Variants in MTUS2 observed in about 807,000 individuals in gnomAD.
MTUS2 encodes microtubule associated scaffold protein 2.
MTUS2 carries 40 observed loss-of-function variants against 114.1 expected under a neutral mutation model. That is an observed-to-expected ratio of 0.35 (90% CI 0.27 to 0.46). MTUS2 has a LOEUF of 0.46. Ranked by LOEUF, MTUS2 falls within the 20% of genes least tolerant of loss-of-function variation. MTUS2 has a pLI of 1.00. For synonymous variants in MTUS2, 688 were observed against 672.0 expected (o/e 1.02, Z -0.37); for missense variants, 1,679 against 1,705.4 (o/e 0.98, Z 0.27).
intron 7 of MTUS2, among the ~76,000 whole-genome samples, chr13:29,357,172 CATG>C (rs55637032): frequency 0.19 from 28,306 of 150,830 alleles, 2,803 homozygotes; most frequent in Middle Eastern, 0.23. Context: ...TAATTTCTAA[CATG>C]ATGATGATGA....
At chr13:29,007,791 C>T (rs991026527) in intron 2 of MTUS2, among the ~76,000 whole-genome samples, 2 of 152,038 alleles carry the variant, frequency 1.3e-5, no homozygotes, top group Non-Finnish European at 2.9e-5. Flanking sequence ...TAATATATAA[C>T]GCACATACAA....
At chr13:29,042,672 A>G (rs982645179) in intron 4 of MTUS2, among the ~76,000 whole-genome samples, 20 of 151,996 alleles carry the variant, frequency 1.3e-4, no homozygotes, top group African/African-American at 4.8e-4. Flanking sequence ...TCGGAATTTA[A>G]TTTCATTGTG....
At chr13:28,842,766 A>AG (rs1399852140) in intron 2 of MTUS2, among the ~76,000 whole-genome samples, 2 of 152,214 alleles carry the variant, frequency 1.3e-5, no homozygotes, top group Non-Finnish European at 2.9e-5. Context: ...ATGTTAGATT[A>AG]GGTATAGAGC....
Position 29,501,199 on chromosome 13 carries a change from G to T in MTUS2, c.3896+5G>T. 1.2e-6 allele frequency: 2 copies of T among 1,610,722 alleles called. No homozygotes were observed. Among genetic ancestry groups the T allele is most frequent in the Non-Finnish European group, 1.7e-6 (2 of 1,177,152 alleles). On this transcript the variant is annotated splice_donor_5th_base_variant and intron_variant, in intron 15 of 15. Coordinates refer to ENST00000612955, the MANE Select transcript of MTUS2 (RefSeq NM_001033602.4). ...CCAAAACACAGTTGTCACCAGGTAG[G>T]TGGGCTGGGTGTCACCTACAAAGTG...
At chr13:29,042,227 G>A (rs1887398465) in intron 4 of MTUS2, among the ~76,000 whole-genome samples, 1 of 152,018 alleles carries the variant, frequency 6.6e-6, no homozygotes, top group Non-Finnish European at 1.5e-5. Flanking sequence ...AGATGATCAT[G>A]TTATTTTTGT....
chr13:28,895,824 A>T (rs1879232457), intron 2 of MTUS2, among the ~76,000 whole-genome samples: 1 of 152,196 alleles, frequency 6.6e-6, no homozygotes, highest in African/African-American at 2.4e-5. Flanking sequence ...TCCATTTCTT[A>T]GTTGCACAGC....
intron 5 of MTUS2, among the ~76,000 whole-genome samples, chr13:29,115,618 C>T (rs940709465): frequency 1.2e-4 from 18 of 152,102 alleles, no homozygotes; most frequent in East Asian, 3.8e-4. Flanking sequence ...TTAAAGATAA[C>T]GTATCTTTGT....
chr13:28,966,342 T>C lies in MTUS2; in HGVS notation c.-242-58115T>C, dbSNP rs370478478. ...GACTTGTTTAAAGATATTCAGTTTA[T>C]TTGCACATTCTTTGCTTTGGAAATA... On this transcript the variant is annotated intron_variant, in intron 2 of 15. Coordinates refer to ENST00000612955, the MANE Select transcript of MTUS2 (RefSeq NM_001033602.4). Among the ~76,000 whole-genome samples, 35 of 152,338 alleles carry C rather than the reference T, an allele frequency of 2.3e-4. 1 individual carries two copies. The South Asian group carries it at 6.6e-3, about 29-fold the overall frequency.
intron 5 of MTUS2, chr13:29,250,640 G>A (rs1378877906): frequency 6.6e-6 from 1 of 151,958 alleles, no homozygotes; most frequent in Non-Finnish European, 1.5e-5. Context: ...GCATTTCACA[G>A]GGGAGAGGGA....
chr13:28,999,667 A>G (rs1182184583), intron 2 of MTUS2, among the ~76,000 whole-genome samples: 2 of 152,150 alleles, frequency 1.3e-5, no homozygotes, highest in East Asian at 1.9e-4. Context: ...TGTAATATAG[A>G]TTGTATTATT....
chr13:28,964,335 A>C (rs368308815), intron 2 of MTUS2, among the ~76,000 whole-genome samples: 25 of 152,286 alleles, frequency 1.6e-4, no homozygotes, highest in African/African-American at 5.5e-4. Context: ...AGTCCAAGCC[A>C]CTGTTCCTTC....
At chr13:29,077,429 C>G (rs1889242335) in intron 4 of MTUS2, among the ~76,000 whole-genome samples, 1 of 152,250 alleles carries the variant, frequency 6.6e-6, no homozygotes, top group African/African-American at 2.4e-5. Flanking sequence ...ATATATTGCC[C>G]TGTACATATA....
At chr13:29,223,361 T>A (rs1895983079) in intron 5 of MTUS2, among the ~76,000 whole-genome samples, 3 of 152,072 alleles carry the variant, frequency 2.0e-5, no homozygotes, top group Admixed American at 2.0e-4. Context: ...TCCTCTTTGC[T>A]GAGAACTGAA....
At chr13:29,447,478 A>G (rs1020896290) in intron 9 of MTUS2, among the ~76,000 whole-genome samples, 2 of 152,136 alleles carry the variant, frequency 1.3e-5, no homozygotes, top group Non-Finnish European at 2.9e-5. Context: ...TCATGCTTAT[A>G]AAGACCAAAA....
intron 2 of MTUS2, among the ~76,000 whole-genome samples, chr13:28,896,970 A>T (rs1217846807): frequency 2.0e-5 from 3 of 152,230 alleles, no homozygotes; most frequent in African/African-American, 7.2e-5. Flanking sequence ...CCTAGGCATT[A>T]CCATTCGGGA....
intron 5 of MTUS2, among the ~76,000 whole-genome samples, chr13:29,114,349 A>G (rs1057396849): frequency 1.3e-5 from 2 of 152,152 alleles, no homozygotes; most frequent in African/African-American, 4.8e-5. Flanking sequence ...TTTATTTTAC[A>G]AGTTCATACT....
chr13:29,238,473 G>GCC (rs1171777659), intron 5 of MTUS2, among the ~76,000 whole-genome samples: 1 of 152,238 alleles, frequency 6.6e-6, no homozygotes, highest in African/African-American at 2.4e-5. Flanking sequence ...AGGTCCAAGA[G>GCC]CCCCTGGCAA....
At chr13:29,143,763 C>G (rs536085350) in intron 5 of MTUS2, among the ~76,000 whole-genome samples, 1 of 152,196 alleles carries the variant, frequency 6.6e-6, no homozygotes, top group African/African-American at 2.4e-5. Flanking sequence ...ATAGAGAATT[C>G]TATGAAATAT....
chr13:29,155,939 TAGG>T (rs1892841435), intron 5 of MTUS2, among the ~76,000 whole-genome samples: 1 of 152,060 alleles, frequency 6.6e-6, no homozygotes, highest in South Asian at 2.1e-4. Context: ...GATATTGACA[TAGG>T]AGGCAGGGCA....
Sources: gnomAD v4.1 joint callset for allele counts (sites outside exome capture counted in the v4.1 genomes callset) on GRCh38, gnomAD v4.1.1 for gene constraint, MANE v1.5 for transcripts, NCBI Gene and HGNC (gene_info 2026-07-23, HGNC 2026-07-21) for gene names.